Variants in TBC1D19 observed in about 807,000 individuals in gnomAD.
TBC1D19 encodes the protein TBC1 domain family member 19.
Under a neutral mutation model 89.0 loss-of-function variants are expected in TBC1D19, and 60 were observed. That is an observed-to-expected ratio of 0.67 (90% CI 0.55 to 0.84). The LOEUF (loss-of-function observed/expected upper bound fraction) is 0.84, where lower values mean the gene tolerates loss of function less well. TBC1D19 is among the 40% of genes least tolerant of loss of function. The probability of loss-of-function intolerance (pLI) is 0.00; values close to 1 mark genes in which losing one functional copy is unlikely to be tolerated. For synonymous variants in TBC1D19, 189 were observed against 199.7 expected (o/e 0.95, Z 0.45); for missense variants, 500 against 610.8 (o/e 0.82, Z 1.91).
At chr4:26,846,987 C>T in the TBC1D19 span, among the ~76,000 whole-genome samples, 1 of 152,292 alleles carries the variant, frequency 6.6e-6, no homozygotes, top group Admixed American at 6.5e-5. Flanking sequence ...TGTACATTCT[C>T]TCTACTCAGT....
the TBC1D19 span, among the ~76,000 whole-genome samples, chr4:26,815,656 G>GA: frequency 5.9e-5 from 9 of 152,106 alleles, no homozygotes; most frequent in African/African-American, 2.2e-4. Flanking sequence ...ATATGTACTA[G>GA]AAAAAAAGAG....
chr4:26,805,994 A>G, the TBC1D19 span, among the ~76,000 whole-genome samples: 1 of 151,898 alleles, frequency 6.6e-6, no homozygotes, highest in Non-Finnish European at 1.5e-5. Context: ...AAGAAAAAGT[A>G]TCAGACCCAG....
chr4:26,698,897 A>T (rs28840721), intron 13 of TBC1D19, among the ~76,000 whole-genome samples: 4,854 of 152,326 alleles, frequency 0.032, 257 homozygotes, highest in African/African-American at 0.11. Context: ...TGAGACCTAA[A>T]ACCATAAAAT....
At chr4:26,696,446 C>A (rs1188463098) in intron 13 of TBC1D19, among the ~76,000 whole-genome samples, 2 of 152,292 alleles carry the variant, frequency 1.3e-5, no homozygotes, top group Admixed American at 6.5e-5. Context: ...TTAGACAGAT[C>A]AACCAGACAG....
chr4:26,613,028 A>T, intron 1 of TBC1D19, 141 bp from the exon 2 acceptor site: 3 of 601,272 alleles, frequency 5.0e-6, no homozygotes, highest in South Asian at 2.2e-5. Context: ...CTCTATCTTC[A>T]AAGAGGATTT....
intron 11 of TBC1D19, among the ~76,000 whole-genome samples, chr4:26,674,275 C>A (rs935609645): frequency 6.6e-6 from 1 of 151,988 alleles, no homozygotes; most frequent in African/African-American, 2.4e-5. Flanking sequence ...CCTATAGGTA[C>A]TTTTGAAATA....
In TBC1D19 at chr4:26,739,872, CTT is replaced by C; in HGVS notation, c.1128_1129del (p.Cys377PhefsTer5). 1 of 1,562,082 alleles carries C rather than the reference CTT, an allele frequency of 6.4e-7. No homozygotes were observed. The highest frequency in any genetic ancestry group is 8.6e-7 in the Non-Finnish European group (1 of 1,157,592). ...FHGFSMYVAPLCFLYHEPSKL... is the reference protein window; with the variant it reads ...FHGFSMYVAPXCFLYHEPSKL... ...TAATTTTTTTCTTTCAGTTGCACCA[CTT>C]TGTTTTCTATACCATGAACCTTCCA... On this transcript the variant is annotated frameshift_variant, in exon 17 of 21. Coordinates refer to ENST00000264866, the MANE Select transcript of TBC1D19 (RefSeq NM_018317.4). LOFTEE classifies it high-confidence loss of function.
chr4:26,631,179 T>C (rs748458346), intron 4 of TBC1D19, among the ~76,000 whole-genome samples: 7 of 152,066 alleles, frequency 4.6e-5, no homozygotes, highest in African/African-American at 1.7e-4. Context: ...TTTTCTTTCC[T>C]TATGTTTAGG....
chr4:26,857,363 G>A, the TBC1D19 span, among the ~76,000 whole-genome samples: 1 of 152,238 alleles, frequency 6.6e-6, no homozygotes, highest in Non-Finnish European at 1.5e-5. Flanking sequence ...AGCGAACCAG[G>A]CTGGACCACC....
At chr4:26,766,727 C>T in the TBC1D19 span, among the ~76,000 whole-genome samples, 2 of 152,196 alleles carry the variant, frequency 1.3e-5, no homozygotes, top group African/African-American at 2.4e-5. Context: ...CCCAGCTCCA[C>T]TATTTACTAA....
intron 1 of TBC1D19, 143 bp downstream of exon 1, chr4:26,584,435 A>C: frequency 2.9e-6 from 2 of 687,638 alleles, no homozygotes; most frequent in Non-Finnish European, 2.4e-6. Flanking sequence ...ACAAAAACAA[A>C]AACAAAAACA....
At chr4:26,788,220 G>T in the TBC1D19 span, among the ~76,000 whole-genome samples, 1 of 151,892 alleles carries the variant, frequency 6.6e-6, no homozygotes, top group Non-Finnish European at 1.5e-5. Flanking sequence ...AAACCACACA[G>T]GGGGGCTGAC....
At chr4:26,646,363 G>C (rs1015758144) in intron 7 of TBC1D19, among the ~76,000 whole-genome samples, 3 of 152,102 alleles carry the variant, frequency 2.0e-5, no homozygotes, top group Non-Finnish European at 4.4e-5. Context: ...TTACACTATT[G>C]GTAGTGTAAA....
chr4:26,768,402 T>G, the TBC1D19 span, among the ~76,000 whole-genome samples: 2 of 152,064 alleles, frequency 1.3e-5, no homozygotes, highest in African/African-American at 2.4e-5. Flanking sequence ...TACAAATATA[T>G]CCAGCATTCA....
chr4:26,788,715 C>G, the TBC1D19 span, among the ~76,000 whole-genome samples: 2 of 152,142 alleles, frequency 1.3e-5, no homozygotes, highest in Admixed American at 6.5e-5. Flanking sequence ...CTTTGAAAAC[C>G]TTTGTGCCAC....
At chr4:26,753,220 T>G (rs906648632) in intron 19 of TBC1D19, among the ~76,000 whole-genome samples, 31 of 152,228 alleles carry the variant, frequency 2.0e-4, no homozygotes, top group African/African-American at 7.0e-4. Flanking sequence ...TCAGGACACC[T>G]CCTTGTTACA....
chr4:26,701,931 A>T (rs1320177772), intron 13 of TBC1D19, among the ~76,000 whole-genome samples: 1 of 152,206 alleles, frequency 6.6e-6, no homozygotes, highest in Non-Finnish European at 1.5e-5. Flanking sequence ...GTAATCTGTG[A>T]CTATTCTACT....
At chr4:26,795,462 G>GGTCC in the TBC1D19 span, among the ~76,000 whole-genome samples, 4 of 152,160 alleles carry the variant, frequency 2.6e-5, no homozygotes, top group Admixed American at 2.6e-4. Flanking sequence ...TCTAACGTAA[G>GGTCC]CTCTGTGAGG....
At chr4:26,637,384 T>C in intron 5 of TBC1D19, 99 bp downstream of exon 5, 1 of 1,033,278 alleles carries the variant, frequency 9.7e-7, no homozygotes, top group Non-Finnish European at 1.4e-6. Flanking sequence ...ATTTATTTAT[T>C]TATTTAGAGA....
Sources: allele counts gnomAD v4.1 joint callset (sites outside exome capture counted in the v4.1 genomes callset), GRCh38; gene constraint gnomAD v4.1.1; transcripts MANE v1.5; gene names NCBI Gene and HGNC (gene_info 2026-07-23, HGNC 2026-07-21).